The following SCN1B variants were observed in gnomAD, a reference collection of about 807,000 sequenced individuals.
SCN1B encodes sodium channel regulatory subunit beta-1.
In SCN1B, 11 loss-of-function variants were observed where a neutral mutation model predicts 25.7. The ratio of observed to expected loss-of-function variants is 0.43; its 90% CI spans 0.27 to 0.71. The LOEUF (loss-of-function observed/expected upper bound fraction) is 0.71. SCN1B is among the 30% of genes least tolerant of loss of function. The pLI is 0.21. For missense variants in SCN1B, 224 were observed against 291.5 expected, an observed-to-expected ratio of 0.77 and a Z score of 1.69; for synonymous variants, 119 against 117.5, an observed-to-expected ratio of 1.01 and a Z score of -0.08.
intron 1 of SCN1B, among the ~76,000 whole-genome samples, chr19:35,031,108 G>A (rs1197190373): frequency 2.0e-5 from 3 of 151,860 alleles, no homozygotes; most frequent in Middle Eastern, 3.4e-3. Context: ...CGCCCAGCCG[G>A]GGGCGAGGAA....
chr19:35,033,846 C>T (rs373761524), intron 3 of SCN1B, 107 bp downstream of exon 3: 1 of 1,611,640 alleles, frequency 6.2e-7, no homozygotes, highest in Non-Finnish European at 8.5e-7. Context: ...CCTGGCCAGC[C>T]AACCGCCCAC....
chr19:35,032,769 A>AG lies in SCN1B; in HGVS notation c.207+80dup, dbSNP rs879069137. 4.6e-6 allele frequency: 7 copies of AG among 1,520,958 alleles called. No individual in the cohort carries two copies. In the South Asian group the frequency reaches 6.7e-5, roughly 15 times the overall value. 94.2% of individuals were successfully genotyped at this position (1,520,958 alleles called of 1,614,324 possible). A position where few individuals can be genotyped will look rare whatever the true frequency, so the allele number is the denominator to read the frequency against. On this transcript the variant is annotated intron_variant, in intron 2 of 5. Transcript: ENST00000262631. This position sits in a 1 kb window ranked among gnomAD's most constrained non-coding sequence, Gnocchi z 4.3. ...GAGGCGGTGGGGCTGGATCTCAGGG[A>AG]GGGGGCTTATTTGTTTAATAATATG... is the stretch of plus-strand genomic sequence containing the variant.
intron 4 of SCN1B, 175 bp from the exon 5 acceptor site, chr19:35,039,460 C>G (rs2064270849): frequency 1.0e-6 from 1 of 961,848 alleles, no homozygotes; most frequent in Non-Finnish European, 1.6e-6. Flanking sequence ...AACTCAGGAG[C>G]CCAGGCTCCC....
rs986180682 is a variant in SCN1B, at chr19:35,034,047, C to T, written c.448+308C>T. ...TTCTGTCTCTGAGCCAAAGGGTTGT[C>T]CTGGGCTTGCCCGGGATAATAATCC... On this transcript the variant is annotated intron_variant, in intron 3 of 5. Transcript: ENST00000262631. 2 of 1,550,750 alleles carry T rather than the reference C, an allele frequency of 1.3e-6. No individual in the cohort carries two copies. The highest frequency in any genetic ancestry group is 2.0e-5 in the Admixed American group (1 of 50,980).
rs2064219717 is a variant in SCN1B at position 35,032,459 on chromosome 19, T to TACCAGCAGACAGGACTGGA, written c.41-69_41-68insACCAGCAGACAGGACTGGA. On this transcript the variant is annotated intron_variant, in intron 1 of 5. Transcript: ENST00000262631. This position sits in a 1 kb window ranked among gnomAD's most constrained non-coding sequence, Gnocchi z 4.3. ...AATCATTGAGGGGGGAACAGATGGTTTGTGAGGGGTCTGGCATTGCTTAGG... is the reference window on the plus strand; with the variant it reads ...AATCATTGAGGGGGGAACAGATGGTTACCAGCAGACAGGACTGGATGTGAGGGGTCTGGCATTGCTTAGG... 1 of 1,575,094 alleles carries TACCAGCAGACAGGACTGGA rather than the reference T, an allele frequency of 6.3e-7. No homozygotes were observed. The highest frequency in any genetic ancestry group is 1.3e-5 in the African/African-American group (1 of 74,264).
chr19:35,038,768 A>G (rs1010703090), intron 3 of SCN1B: 4 of 375,916 alleles, frequency 1.1e-5, no homozygotes, highest in East Asian at 6.3e-5. Flanking sequence ...TCATTTTACA[A>G]TTGAAGAAAC....
chr19:35,034,450 T>A (rs897453912), intron 3 of SCN1B: 1 of 291,002 alleles, frequency 3.4e-6, no homozygotes, highest in Admixed American at 4.6e-5. Flanking sequence ...GAACGTCTCA[T>A]CATTTTGCCT....
Position 35,039,885 on chromosome 19 carries a change from GC to G in SCN1B, c.*98del. ...CCAGCGTGGGGGTGGCCACTCCTGGGCCCCAGAAAGCCTCAGAGTCCTGCCG... is the reference window on the plus strand; with the variant it reads ...CCAGCGTGGGGGTGGCCACTCCTGGGCCCAGAAAGCCTCAGAGTCCTGCCG... On this transcript the variant is annotated 3_prime_UTR_variant, in exon 6 of 6. Coordinates refer to ENST00000262631, the MANE Select transcript of SCN1B (RefSeq NM_001037.5). 1 of 650,034 alleles carries G rather than the reference GC, an allele frequency of 1.5e-6. No homozygotes were observed. 40.3% of individuals were successfully genotyped at this position (650,034 alleles called of 1,614,324 possible). A position where few individuals can be genotyped will look rare whatever the true frequency, so the allele number is the denominator to read the frequency against.
At chr19:35,031,711 A>T (rs184841614) in intron 1 of SCN1B, 1 of 152,700 alleles carries the variant, frequency 6.5e-6, no homozygotes, top group South Asian at 2.1e-4. Flanking sequence ...AAACAAGGAC[A>T]GCACAGGGCT....
chr19:35,038,039 A>G (rs2064259096), intron 3 of SCN1B: 1 of 151,228 alleles, frequency 6.6e-6, no homozygotes. Flanking sequence ...CTCCTCCCGC[A>G]GGGAAGCTGG....
At chr19:35,039,364 G>A (rs564247253) in intron 4 of SCN1B, 106 bp downstream of exon 4, 3 of 1,514,178 alleles carry the variant, frequency 2.0e-6, no homozygotes, top group African/African-American at 2.7e-5. Context: ...GCGGCCCAGG[G>A]CGCCATCTCT....
intron 3 of SCN1B, 161 bp from the exon 4 acceptor site, chr19:35,038,955 AC>A: frequency 1.2e-6 from 1 of 807,788 alleles, no homozygotes; most frequent in Non-Finnish European, 2.1e-6. Context: ...GTTGAGGGTG[AC>A]CCCCACCAGG....
chr19:35,039,522 TCTAA>T (rs2064271486), intron 4 of SCN1B, 109 bp from the exon 5 acceptor site: 3 of 1,132,124 alleles, frequency 2.6e-6, no homozygotes, highest in Admixed American at 3.8e-5. Flanking sequence ...TCCTTCTCTC[TCTAA>T]CTAAGGAGCC....
chr19:35,037,500 C>T (rs1309623555), intron 3 of SCN1B: 2 of 152,170 alleles, frequency 1.3e-5, no homozygotes, highest in African/African-American at 2.4e-5. Flanking sequence ...CGGTGCGCAT[C>T]CAGCTCAGAG....
In SCN1B at chr19:35,039,629, C is replaced by T; in HGVS notation, c.591-6C>T. ...GGTCACTGTATACCTGGCCTTTCCC[C>T]CACAGCTCGGAATACCTGGCCATCA... On this transcript the variant is annotated splice_region_variant and splice_polypyrimidine_tract_variant and intron_variant, in intron 4 of 5. Coordinates refer to ENST00000262631, the MANE Select transcript of SCN1B (RefSeq NM_001037.5). The T allele has an allele frequency of 1.2e-6, 2 of 1,614,168 alleles. No individual in the cohort carries two copies. Among genetic ancestry groups the T allele is most frequent in the Non-Finnish European group, 1.7e-6 (2 of 1,179,998 alleles).
chr19:35,032,661 C>T lies in SCN1B; in HGVS notation c.174C>T (p.Thr58=). Residue 58 remains threonine (T), a synonymous_variant, in exon 2 of 6, where the codon ACC becomes ACT. Coordinates refer to ENST00000262631, the MANE Select transcript of SCN1B (RefSeq NM_001037.5). This position sits in a 1 kb window ranked among gnomAD's most constrained non-coding sequence, Gnocchi z 4.3. ...ACGCTGAGACCTTCACCGAGTGGACCTTCCGCCAGAAGGGCACTGAGGAGT... is the reference window on the plus strand; with the variant it reads ...ACGCTGAGACCTTCACCGAGTGGACTTTCCGCCAGAAGGGCACTGAGGAGT... The part of the protein sequence containing the change: ...ETNAETFTEW[T]FRQKGTEEFV... 6.2e-7 allele frequency: 1 copy of T among 1,614,090 alleles called. No homozygotes were observed. The highest frequency in any genetic ancestry group is 8.5e-7 in the Non-Finnish European group (1 of 1,180,040).
At chr19:35,036,972 G>A (rs2064252142) in intron 3 of SCN1B, 1 of 152,150 alleles carries the variant, frequency 6.6e-6, no homozygotes, top group Non-Finnish European at 1.5e-5. Context: ...GACCAGGCTG[G>A]TCTCGCACTC....
At position 35,030,630 on chromosome 19, in the gene SCN1B, G is replaced by C. The variant is rs946264516; in HGVS notation, c.-191G>C. On this transcript the variant is annotated 5_prime_UTR_variant, in exon 1 of 6. Transcript: ENST00000262631. ...GGATGCCCGGACGCCGGGCCCCGGG[G>C]CTGGGCCCCCGGCGGTAACCGGAGC... 3 of 161,286 alleles carry C rather than the reference G, an allele frequency of 1.9e-5. No individual in the cohort carries two copies. The highest frequency in any genetic ancestry group is 4.9e-5 in the African/African-American group (2 of 41,096). 10.0% of individuals were successfully genotyped at this position (161,286 alleles called of 1,614,324 possible).
At chr19:35,033,953 TC>T (rs752408548) in intron 3 of SCN1B, 1 of 1,553,876 alleles carries the variant, frequency 6.4e-7, no homozygotes, top group Non-Finnish European at 8.7e-7. Context: ...AGCATGCCTG[TC>T]CCCCACAGAC....
Sources: allele counts gnomAD v4.1 joint callset (sites outside exome capture counted in the v4.1 genomes callset), GRCh38; gene constraint gnomAD v4.1.1; non-coding constraint Gnocchi (gnomAD v3.1); transcripts MANE v1.5; gene names NCBI Gene and HGNC (gene_info 2026-07-23, HGNC 2026-07-21).